The following KCNH8 variants were observed in gnomAD, a reference collection of about 807,000 sequenced individuals.
The protein encoded by KCNH8 is voltage-gated delayed rectifier potassium channel KCNH8.
KCNH8 carries 70 observed loss-of-function variants against 103.6 expected under a neutral mutation model. That is an observed-to-expected ratio of 0.68 (90% confidence interval 0.56 to 0.82). The LOEUF (loss-of-function observed/expected upper bound fraction) is 0.82, where lower values mean the gene tolerates loss of function less well. KCNH8 is among the 40% of genes least tolerant of loss of function. KCNH8 has a pLI of 0.00. For synonymous variants in KCNH8, 498 were observed against 489.4 expected, an observed-to-expected ratio of 1.02 and a Z score of -0.23; for missense variants, 1,217 against 1,329.9, an observed-to-expected ratio of 0.92 and a Z score of 1.32.
chr3:19,184,929 TTCCATGTTGTAG>T (rs1245050799), intron 1 of KCNH8, among the ~76,000 whole-genome samples: 1 of 151,994 alleles, frequency 6.6e-6, no homozygotes, highest in African/African-American at 2.4e-5. Context: ...TTTGAAGTTC[TTCCATGTTGTAG>T]GATGTATCAA....
At chr3:19,319,800 A>G (rs1417697024) in intron 3 of KCNH8, among the ~76,000 whole-genome samples, 1 of 152,102 alleles carries the variant, frequency 6.6e-6, no homozygotes, top group African/African-American at 2.4e-5. Flanking sequence ...ATTCATGAGC[A>G]TGGGATATGT....
At chr3:19,339,917 G>A (rs749692493) in intron 3 of KCNH8, among the ~76,000 whole-genome samples, 13 of 151,832 alleles carry the variant, frequency 8.6e-5, no homozygotes, top group Admixed American at 1.3e-4. Context: ...CAGCAGTCCC[G>A]AACACTGATT....
rs759032618 is a variant in KCNH8, at chr3:19,148,725, G to C, written c.6G>C (p.Pro2=). 4.3e-6 allele frequency: 7 copies of C among 1,613,932 alleles called. No individual in the cohort carries two copies. Among genetic ancestry groups the C allele is most frequent in the Non-Finnish European group, 5.9e-6 (7 of 1,179,930 alleles). The stretch of plus-strand genomic sequence containing the variant: ...TTTCACACCACGCTGGAAAAATGCC[G>C]GTTATGAAAGGATTACTGGCGCCGC... M[P]VMKGLLAPQN... Residue 2 remains proline (P), a synonymous_variant, in exon 1 of 16, where the codon CCG becomes CCC. Transcript: ENST00000328405.
rs113020764 is a variant in KCNH8 at position 19,460,883 on chromosome 3, A to T, written c.2040+3901A>T. Among the ~76,000 whole-genome samples, 1,246 of 151,956 alleles carry T rather than the reference A, an allele frequency of 8.2e-3. 18 individuals are homozygous for T. Among genetic ancestry groups the T allele is most frequent in the East Asian group, 0.078 (404 of 5,152 alleles). On this transcript the variant is annotated intron_variant, in intron 11 of 15. Transcript: ENST00000328405. ...TAAGGGGCTTCCCCTTTCACTGGAC[A>T]CTCATTCTTCCTCTCCCTGCTGCCA...
intron 5 of KCNH8, among the ~76,000 whole-genome samples, chr3:19,353,653 T>G (rs989688533): frequency 6.6e-6 from 1 of 152,192 alleles, no homozygotes; most frequent in Non-Finnish European, 1.5e-5. Flanking sequence ...TCTCAATAGA[T>G]GCAGAAAAGG....
chr3:19,426,244 C>T (rs1233122499), intron 7 of KCNH8, among the ~76,000 whole-genome samples: 1 of 152,096 alleles, frequency 6.6e-6, no homozygotes, highest in Non-Finnish European at 1.5e-5. Flanking sequence ...CCTCTTGCCA[C>T]TTCTGGTACC....
chr3:19,230,002 G>A lies in KCNH8; in HGVS notation c.77-23652G>A, dbSNP rs995465087. On this transcript the variant is annotated intron_variant, in intron 1 of 15. Transcript: ENST00000328405. ...TTGGACTTAACAGTTCCACGTAGCT[G>A]GGGAGGCCTCAGAATCATGGCGAAG... Among the ~76,000 whole-genome samples, 7 of 149,674 alleles carry A rather than the reference G, an allele frequency of 4.7e-5. No homozygotes were observed. In the East Asian group the frequency reaches 5.8e-4, roughly 12 times the overall value.
At chr3:19,376,486 G>T (rs1196916838) in intron 5 of KCNH8, among the ~76,000 whole-genome samples, 1 of 152,126 alleles carries the variant, frequency 6.6e-6, no homozygotes, top group East Asian at 1.9e-4. Context: ...CCACTGACCT[G>T]TGCCCACTGT....
At chr3:19,302,783 C>G (rs2065080106) in intron 3 of KCNH8, among the ~76,000 whole-genome samples, 1 of 152,178 alleles carries the variant, frequency 6.6e-6, no homozygotes, top group South Asian at 2.1e-4. Flanking sequence ...CATTCTATTT[C>G]TCTTGAGTCT....
chr3:19,174,315 A>G (rs2063377041), intron 1 of KCNH8, among the ~76,000 whole-genome samples: 1 of 152,196 alleles, frequency 6.6e-6, no homozygotes, highest in South Asian at 2.1e-4. Context: ...TTTCAAATAC[A>G]TTTGAATAAA....
At chr3:19,214,771 A>G (rs1320646048) in intron 1 of KCNH8, among the ~76,000 whole-genome samples, 1 of 152,188 alleles carries the variant, frequency 6.6e-6, no homozygotes, top group Non-Finnish European at 1.5e-5. Flanking sequence ...GAAGATAGTG[A>G]AGTTAGTAAT....
intron 2 of KCNH8, among the ~76,000 whole-genome samples, chr3:19,262,200 T>G (rs998179283): frequency 6.6e-6 from 1 of 151,962 alleles, no homozygotes; most frequent in Admixed American, 6.6e-5. Flanking sequence ...TTGGGTAGTG[T>G]GGACATTTTA....
At chr3:19,203,364 G>A (rs1297501157) in intron 1 of KCNH8, among the ~76,000 whole-genome samples, 2 of 151,714 alleles carry the variant, frequency 1.3e-5, no homozygotes, top group Non-Finnish European at 2.9e-5. Context: ...TTTGTCAAAG[G>A]AAATATTCTA....
intron 5 of KCNH8, among the ~76,000 whole-genome samples, chr3:19,386,748 A>C (rs2066362692): frequency 6.6e-6 from 1 of 152,144 alleles, no homozygotes; most frequent in Non-Finnish European, 1.5e-5. Flanking sequence ...TGAAAGTTAT[A>C]CTGCTGCTTT....
chr3:19,230,370 T>G (rs775820597), intron 1 of KCNH8, among the ~76,000 whole-genome samples: 4 of 152,214 alleles, frequency 2.6e-5, no homozygotes, highest in African/African-American at 9.6e-5. Context: ...ACTCACTTTT[T>G]GGTGGTTATC....
chr3:19,204,508 C>G lies in KCNH8; in HGVS notation c.77-49146C>G, dbSNP rs892515250. On this transcript the variant is annotated intron_variant, in intron 1 of 15. Transcript: ENST00000328405. ...GACCTACTTTCAGGTAAGTGGTTATCAATTTTTCTTTCCTTCTAAGATTCA... is the reference window on the plus strand; with the variant it reads ...GACCTACTTTCAGGTAAGTGGTTATGAATTTTTCTTTCCTTCTAAGATTCA... 5.9e-5 allele frequency among the ~76,000 whole-genome samples: 9 copies of G among 152,048 alleles called. 1 individual carries two copies. Among genetic ancestry groups the G allele is most frequent in the Middle Eastern group, 6.8e-3 (2 of 294 alleles).
At chr3:19,324,824 GA>G (rs140945693) in intron 3 of KCNH8, among the ~76,000 whole-genome samples, 38,883 of 149,184 alleles carry the variant, frequency 0.26, 5,482 homozygotes, top group East Asian at 0.55. Flanking sequence ...CACAGAACTA[GA>G]AAAAAAAAAT....
intron 2 of KCNH8, among the ~76,000 whole-genome samples, chr3:19,254,458 T>A (rs1222472807): frequency 6.6e-6 from 1 of 152,112 alleles, no homozygotes; most frequent in Admixed American, 6.6e-5. Context: ...TAGAGTAAAT[T>A]TTCTTGGGCT....
At chr3:19,358,809 T>C (rs1260812168) in intron 5 of KCNH8, among the ~76,000 whole-genome samples, 2 of 151,886 alleles carry the variant, frequency 1.3e-5, no homozygotes, top group African/African-American at 2.4e-5. Flanking sequence ...CCAGGAAATA[T>C]TGTTAGAAAA....
Sources: gnomAD v4.1 joint callset for allele counts (sites outside exome capture counted in the v4.1 genomes callset) on GRCh38, gnomAD v4.1.1 for gene constraint, MANE v1.5 for transcripts, NCBI Gene and HGNC (gene_info 2026-07-23, HGNC 2026-07-21) for gene names.